The following KCNMA1 variants were observed in gnomAD, a reference collection of about 807,000 sequenced individuals.
KCNMA1 encodes the protein potassium calcium-activated channel subfamily M alpha 1.
A neutral mutation model predicts 140.0 loss-of-function variants in KCNMA1; 29 were observed. The observed-to-expected ratio is 0.21, with a 90% confidence interval of 0.15 to 0.28. The LOEUF is 0.28. Ranked by LOEUF, KCNMA1 falls within the 10% of genes least tolerant of loss-of-function variation. The pLI is 1.00. For missense variants in KCNMA1, 880 were observed against 1,602.2 expected (o/e 0.55, Z 7.70); for synonymous variants, 612 against 611.9 (o/e 1.00, Z 0.00).
rs2616608 is a variant in KCNMA1, at chr10:77,295,804, A to C, written c.541-44548T>G. Among the ~76,000 whole-genome samples the C allele has an allele frequency of 1.8e-3, 239 of 132,484 alleles. 1 individual carries two copies. The highest frequency in any genetic ancestry group is 2.0e-3 in the African/African-American group (71 of 35,434). 86.9% of individuals were successfully genotyped at this position (132,484 alleles called of 152,430 possible). On this transcript the variant is annotated intron_variant, in intron 2 of 27. Coordinates refer to ENST00000286628, the MANE Select transcript of KCNMA1 (RefSeq NM_001161352.2). ...CTCCGTCTCAAAAAAAAAAAAAAAA[A>C]AAAAAAAAAAAAACAGTTTTCAGCT... is the stretch of plus-strand genomic sequence containing the variant.
chr10:77,606,546 G>C (rs2084594794), intron 1 of KCNMA1, among the ~76,000 whole-genome samples: 1 of 152,102 alleles, frequency 6.6e-6, no homozygotes. Context: ...GGAGTTCAAG[G>C]CTGCAGTAAG....
rs1395014861 is a variant in KCNMA1 at position 76,911,894 on chromosome 10, A to G, written c.3017-1798T>C. The G allele has an allele frequency of 3.9e-5, 6 of 152,308 alleles. No individual in the cohort carries two copies. The South Asian group carries it at 6.2e-4, about 16-fold the overall frequency. 9.4% of individuals were successfully genotyped at this position (152,308 alleles called of 1,614,324 possible). A position where few individuals can be genotyped will look rare whatever the true frequency, so the allele number is the denominator to read the frequency against. On this transcript the variant is annotated intron_variant, in intron 24 of 27. Coordinates refer to ENST00000286628, the MANE Select transcript of KCNMA1 (RefSeq NM_001161352.2). ...GCAGTTTTAGTTACTTGTAATAGCC[A>G]CCAATGGTGTGTGTGGCAATGCTCC...
At position 76,889,448 on chromosome 10, in the gene KCNMA1, C is replaced by T; in HGVS notation, c.3461+3G>A. 1.3e-6 allele frequency: 2 copies of T among 1,595,694 alleles called. No individual in the cohort carries two copies. The highest frequency in any genetic ancestry group is 1.7e-6 in the Non-Finnish European group (2 of 1,163,212). On this transcript the variant is annotated splice_donor_region_variant and intron_variant, in intron 27 of 27. Coordinates refer to ENST00000286628, the MANE Select transcript of KCNMA1 (RefSeq NM_001161352.2). ...GGAGGGCAGAGTTGAAACCAATACT[C>T]ACCTCTTTGTGCACTGACTGGGGGT...
chr10:77,631,619 G>C (rs548376666), intron 1 of KCNMA1, among the ~76,000 whole-genome samples: 25 of 152,280 alleles, frequency 1.6e-4, no homozygotes, highest in African/African-American at 6.0e-4. Context: ...TCTGCACCAG[G>C]CCTCTCATGC....
chr10:77,159,960 G>T (rs1394253936), intron 5 of KCNMA1, among the ~76,000 whole-genome samples: 1 of 152,184 alleles, frequency 6.6e-6, no homozygotes, highest in Non-Finnish European at 1.5e-5. Flanking sequence ...ACTTGACACA[G>T]TGCCTAGAAT....
At chr10:77,469,848 C>G (rs1370776573) in intron 1 of KCNMA1, among the ~76,000 whole-genome samples, 1 of 152,186 alleles carries the variant, frequency 6.6e-6, no homozygotes, top group Non-Finnish European at 1.5e-5. Context: ...TAGCAATTCA[C>G]AATGGGTTTG....
intron 17 of KCNMA1, among the ~76,000 whole-genome samples, chr10:77,018,324 C>T (rs2092423875): frequency 6.6e-6 from 1 of 152,194 alleles, no homozygotes; most frequent in Non-Finnish European, 1.5e-5. Flanking sequence ...ATTTGCATCA[C>T]ATTTTCTGCT....
downstream of KCNMA1, chr10:76,876,309 A>T (rs554436804): frequency 2.6e-5 from 4 of 152,748 alleles, no homozygotes; most frequent in South Asian, 6.2e-4. Context: ...AGAAATCACT[A>T]TTACATCCAT....
At chr10:76,906,191 G>C (rs952727422) in intron 25 of KCNMA1, among the ~76,000 whole-genome samples, 2 of 147,928 alleles carry the variant, frequency 1.4e-5, no homozygotes, top group Non-Finnish European at 2.9e-5. Flanking sequence ...TTAAGTTGGG[G>C]CTGGGGTTGG....
chr10:77,363,002 G>A (rs929369138), intron 2 of KCNMA1, among the ~76,000 whole-genome samples: 2 of 152,174 alleles, frequency 1.3e-5, no homozygotes, highest in African/African-American at 2.4e-5. Context: ...CTCCCAATGC[G>A]GACAGGCACC....
chr10:77,448,826 T>C (rs181727103), intron 1 of KCNMA1, among the ~76,000 whole-genome samples: 95 of 152,272 alleles, frequency 6.2e-4, no homozygotes, highest in South Asian at 1.2e-3. Flanking sequence ...GCAGTGCTCA[T>C]GCCTGTAATC....
intron 2 of KCNMA1, among the ~76,000 whole-genome samples, chr10:77,363,144 A>C (rs2094118449): frequency 6.6e-6 from 1 of 151,958 alleles, no homozygotes; most frequent in African/African-American, 2.4e-5. Context: ...AAAAATACAC[A>C]GTGAGTTTCT....
chr10:76,941,160 AAG>A (rs1491278697), intron 23 of KCNMA1, among the ~76,000 whole-genome samples: 2 of 73,000 alleles, frequency 2.7e-5, no homozygotes, highest in African/African-American at 9.3e-5. Context: ...GAAGGGAGGG[AAG>A]GGAAGGAAGG....
intron 2 of KCNMA1, among the ~76,000 whole-genome samples, chr10:77,295,347 C>CA (rs11351133): frequency 7.4e-4 from 101 of 137,210 alleles, no homozygotes; most frequent in South Asian, 5.5e-3. Context: ...AACTCGGTCT[C>CA]AAAAAAAAAA....
At chr10:76,906,575 A>C (rs2047915664) in intron 25 of KCNMA1, among the ~76,000 whole-genome samples, 1 of 152,184 alleles carries the variant, frequency 6.6e-6, no homozygotes, top group Admixed American at 6.5e-5. Context: ...ATTAAATGAC[A>C]ATTTGGGGAG....
At chr10:77,012,385 G>C in intron 17 of KCNMA1, 1 of 1,528,972 alleles carries the variant, frequency 6.5e-7, no homozygotes, top group South Asian at 1.3e-5. Flanking sequence ...TGGGCAATGA[G>C]CCCTGGGCCC....
chr10:77,150,034 C>T (rs893140395), intron 5 of KCNMA1: 5 of 152,180 alleles, frequency 3.3e-5, no homozygotes, highest in South Asian at 2.1e-4. Context: ...AAGTTGGTCT[C>T]GGGCTATGAA....
intron 2 of KCNMA1, among the ~76,000 whole-genome samples, chr10:77,285,909 G>A (rs1417846026): frequency 6.6e-6 from 1 of 152,194 alleles, no homozygotes; most frequent in Non-Finnish European, 1.5e-5. Context: ...ACTTAGCACA[G>A]TGCCTCTGTA....
chr10:76,890,940 G>A (rs2039759420), intron 26 of KCNMA1, among the ~76,000 whole-genome samples: 1 of 152,218 alleles, frequency 6.6e-6, no homozygotes, highest in South Asian at 2.1e-4. Flanking sequence ...TTGGCCGGTG[G>A]TTCTGGATAC....
Sources: gnomAD v4.1 joint callset for allele counts (sites outside exome capture counted in the v4.1 genomes callset) on GRCh38, gnomAD v4.1.1 for gene constraint, MANE v1.5 for transcripts, NCBI Gene and HGNC (gene_info 2026-07-23, HGNC 2026-07-21) for gene names.